Variants in TLK1 observed in about 807,000 individuals in gnomAD.
The protein encoded by TLK1 is tousled like kinase 1, also known as serine/threonine-protein kinase tousled-like 1.
In TLK1, 24 loss-of-function variants were observed where a neutral mutation model predicts 105.3. The ratio of observed to expected loss-of-function variants is 0.23; its 90% CI spans 0.17 to 0.32. The LOEUF (loss-of-function observed/expected upper bound fraction) is 0.32, where lower values mean the gene tolerates loss of function less well. Among genes scored for constraint, TLK1 ranks in the 10% least tolerant of loss-of-function variants. TLK1 has a pLI of 1.00. For synonymous variants in TLK1, 321 were observed against 310.4 expected, an observed-to-expected ratio of 1.03 and a Z score of -0.36; for missense variants, 558 against 910.5, an observed-to-expected ratio of 0.61 and a Z score of 4.98.
At chr2:171,081,585 A>C (rs1575582307) in intron 3 of TLK1, 1 of 1,201,774 alleles carries the variant, frequency 8.3e-7, no homozygotes, top group Non-Finnish European at 1.1e-6. Flanking sequence ...TAAGTATGTT[A>C]ATTTTTTAAA....
intron 2 of TLK1, among the ~76,000 whole-genome samples, chr2:171,109,369 T>C (rs1024461966): frequency 8.5e-5 from 13 of 152,148 alleles, no homozygotes; most frequent in Non-Finnish European, 1.3e-4. Context: ...AAGGTAATTA[T>C]GAAATATACA....
Position 171,160,857 on chromosome 2 carries a change from C to G in TLK1, c.-429G>C, listed in dbSNP as rs1692469431. 3 of 306,698 alleles carry G rather than the reference C, an allele frequency of 9.8e-6. No homozygotes were observed. The South Asian group carries it at 4.3e-4, about 44-fold the overall frequency. The allele number at this position is 306,698 out of a possible 1,614,324, so 19.0% of individuals were successfully genotyped here. On this transcript the variant is annotated 5_prime_UTR_variant, in exon 1 of 21. Coordinates refer to ENST00000431350, the MANE Select transcript of TLK1 (RefSeq NM_012290.5). The surrounding 1 kb of genome is among the most constrained non-coding windows in gnomAD (Gnocchi z 4.4). ...TCGCCCGGGAGGCGGCGGCGGCGGG[C>G]TGTGGGTGGCGGCTGAGGCGGTGGG... is the stretch of plus-strand genomic sequence containing the variant.
intron 3 of TLK1, among the ~76,000 whole-genome samples, chr2:171,061,488 G>A (rs1687745408): frequency 6.6e-6 from 1 of 152,148 alleles, no homozygotes; most frequent in Non-Finnish European, 1.5e-5. Context: ...AATCACCTTA[G>A]TGTTTCCTAT....
At chr2:171,212,120 G>A (rs897624535) in intron 1 of TLK1, among the ~76,000 whole-genome samples, 63 of 152,086 alleles carry the variant, frequency 4.1e-4, no homozygotes, top group Non-Finnish European at 2.1e-4. Flanking sequence ...GATTACAGGC[G>A]TGAGCCACCA....
chr2:171,117,560 T>C (rs1212863334), intron 2 of TLK1, among the ~76,000 whole-genome samples, 179 bp downstream of exon 2: 1 of 152,242 alleles, frequency 6.6e-6, no homozygotes, highest in African/African-American at 2.4e-5. Flanking sequence ...TGCTGTATTA[T>C]AATGCCCCTG....
chr2:171,227,590 T>TTG (rs1693924608), intron 1 of TLK1, among the ~76,000 whole-genome samples: 1 of 140,368 alleles, frequency 7.1e-6, no homozygotes, highest in Middle Eastern at 3.6e-3. Context: ...TTTTTTTTTT[T>TTG]TTTTTTTTGT....
rs931288388 is a variant in TLK1 at position 171,160,452 on chromosome 2, C to T, written c.-24G>A. 12 of 1,586,032 alleles carry T rather than the reference C, an allele frequency of 7.6e-6. No individual in the cohort carries two copies. The East Asian group carries it at 2.9e-4, about 39-fold the overall frequency. ...ATCAAGCTACTTTCTGGGAACCCGA[C>T]TCCCCCCCTGCGACGGCAGCGGCGG... On this transcript the variant is annotated 5_prime_UTR_variant, in exon 1 of 21. Coordinates refer to ENST00000431350, the MANE Select transcript of TLK1 (RefSeq NM_012290.5). The surrounding 1 kb of genome is among the most constrained non-coding windows in gnomAD (Gnocchi z 4.4).
intron 1 of TLK1, among the ~76,000 whole-genome samples, chr2:171,124,496 T>C (rs1284125332): frequency 6.6e-6 from 1 of 152,234 alleles, no homozygotes; most frequent in African/African-American, 2.4e-5. Context: ...AGTCAGGATA[T>C]TTGTCCTGTT....
In TLK1 at chr2:171,146,673, T is replaced by C. The variant is rs144049317; in HGVS notation, c.139+13617A>G. Among the ~76,000 whole-genome samples, 68 of 152,270 alleles carry C rather than the reference T, an allele frequency of 4.5e-4. 1 individual carries two copies. The Middle Eastern group carries it at 0.017, about 38-fold the overall frequency. On this transcript the variant is annotated intron_variant, in intron 1 of 20. Transcript: ENST00000431350. ...CAATCTCACTACCAATCAAGACATA[T>C]CAACTGAAACAAGATACCATTTTAA...
In TLK1 at chr2:171,003,883, G is replaced by A. The variant is rs1684517270; in HGVS notation, c.1904+2264C>T. On this transcript the variant is annotated intron_variant, in intron 18 of 20. Coordinates refer to ENST00000431350, the MANE Select transcript of TLK1 (RefSeq NM_012290.5). ...GTAATAGATTTGTGTACATTTTATG[G>A]CAGTAAATGGTAAAACAGACAAGTA... Among the ~76,000 whole-genome samples, 3 of 152,136 alleles carry A rather than the reference G, an allele frequency of 2.0e-5. No individual in the cohort carries two copies. The South Asian group carries it at 6.2e-4, about 31-fold the overall frequency.
intron 14 of TLK1, among the ~76,000 whole-genome samples, chr2:171,009,598 C>G (rs1684812411): frequency 1.3e-5 from 2 of 151,994 alleles, no homozygotes; most frequent in African/African-American, 4.8e-5. Context: ...TGAGCCATGG[C>G]CAACAAGCAG....
At chr2:171,104,373 A>G (rs1177551151) in intron 2 of TLK1, among the ~76,000 whole-genome samples, 1 of 152,150 alleles carries the variant, frequency 6.6e-6, no homozygotes, top group Non-Finnish European at 1.5e-5. Context: ...CCCTTTCTAC[A>G]AGGAAAATTA....
rs577997044 is a variant in TLK1, at chr2:171,007,371, T to C, written c.1417-308A>G. On this transcript the variant is annotated intron_variant, in intron 14 of 20. Coordinates refer to ENST00000431350, the MANE Select transcript of TLK1 (RefSeq NM_012290.5). ...TTTGTTTTTAATATGGACTTATTCC[T>C]CTATACTAGTAGTAAGCAGCCAGGA... Among the ~76,000 whole-genome samples the C allele has an allele frequency of 7.2e-5, 11 of 152,198 alleles. No homozygotes were observed. The South Asian group carries it at 2.3e-3, about 32-fold the overall frequency.
intron 4 of TLK1, among the ~76,000 whole-genome samples, chr2:171,058,460 TA>T: frequency 6.6e-6 from 1 of 152,162 alleles, no homozygotes; most frequent in South Asian, 2.1e-4. Context: ...AATAAAAAAG[TA>T]GCGACTGCAT....
chr2:171,180,357 T>A (rs1483247772), intron 1 of TLK1, among the ~76,000 whole-genome samples: 1 of 152,174 alleles, frequency 6.6e-6, no homozygotes, highest in Non-Finnish European at 1.5e-5. Context: ...ATCTCTCTTC[T>A]TGAGTATGGA....
chr2:171,203,121 G>A (rs564020594), intron 1 of TLK1, among the ~76,000 whole-genome samples: 1 of 151,742 alleles, frequency 6.6e-6, no homozygotes, highest in East Asian at 1.9e-4. Flanking sequence ...TGTAATTTTA[G>A]GAGAAATAAG....
At chr2:171,057,932 TTA>T (rs1406468586) in intron 5 of TLK1, among the ~76,000 whole-genome samples, 2 of 152,106 alleles carry the variant, frequency 1.3e-5, no homozygotes, top group African/African-American at 4.8e-5. Flanking sequence ...TTACAGGTTA[TTA>T]TAAACAACTA....
At chr2:171,033,780 T>TA (rs1321084694) in intron 11 of TLK1, among the ~76,000 whole-genome samples, 4 of 144,212 alleles carry the variant, frequency 2.8e-5, no homozygotes, top group Admixed American at 6.9e-5. Flanking sequence ...CCCATAAAAA[T>TA]AAAAAACTTC....
At chr2:171,104,861 G>A (rs1165143243) in intron 2 of TLK1, among the ~76,000 whole-genome samples, 2 of 152,126 alleles carry the variant, frequency 1.3e-5, no homozygotes, top group Non-Finnish European at 2.9e-5. Context: ...CAGATCAATG[G>A]AACAGAATAG....
Sources: allele counts gnomAD v4.1 joint callset (sites outside exome capture counted in the v4.1 genomes callset), GRCh38; gene constraint gnomAD v4.1.1; non-coding constraint Gnocchi (gnomAD v3.1); transcripts MANE v1.5; gene names NCBI Gene and HGNC (gene_info 2026-07-23, HGNC 2026-07-21).